Variants in TRIO observed in about 807,000 individuals in gnomAD.
TRIO encodes triple functional domain protein.
TRIO carries 58 observed loss-of-function variants against 351.9 expected under a neutral mutation model. The observed-to-expected ratio is 0.16, with a 90% CI of 0.13 to 0.21. TRIO has a LOEUF of 0.21. Among genes scored for constraint, TRIO ranks in the 10% least tolerant of loss-of-function variants. The pLI is 1.00. For missense variants in TRIO, 3,201 were observed against 4,027.8 expected (o/e 0.79, Z 5.56); for synonymous variants, 1,758 against 1,595.7 (o/e 1.10, Z -2.42).
At chr5:14,255,855 C>T (rs1794994801) in intron 1 of TRIO, among the ~76,000 whole-genome samples, 1 of 152,070 alleles carries the variant, frequency 6.6e-6, no homozygotes, top group Non-Finnish European at 1.5e-5. Context: ...GAATTTGGAG[C>T]ATTTCTGATT....
chr5:14,186,152 C>G (rs1429788713), intron 1 of TRIO, among the ~76,000 whole-genome samples: 2 of 152,196 alleles, frequency 1.3e-5, no homozygotes, highest in Non-Finnish European at 2.9e-5. Context: ...TTTAAACCAG[C>G]TTTTGGTCCT....
At chr5:14,300,985 G>A (rs867218925) in intron 7 of TRIO, among the ~76,000 whole-genome samples, 9 of 152,102 alleles carry the variant, frequency 5.9e-5, no homozygotes, top group Admixed American at 6.5e-5. Flanking sequence ...AGAGGTGGCG[G>A]GGGTGAGAGA....
chr5:14,156,226 C>G (rs758885382), intron 1 of TRIO, among the ~76,000 whole-genome samples: 2 of 152,112 alleles, frequency 1.3e-5, no homozygotes, highest in Non-Finnish European at 2.9e-5. Context: ...ATAAACTGTT[C>G]CAGGTGCACC....
At position 14,405,841 on chromosome 5, in the gene TRIO, T is replaced by C; in HGVS notation, c.4717-7T>C. ...CGTATCCTAAGCAACGCTAACACCT[T>C]GTTAAGGCTTCCAGCATAGAGAACA... On this transcript the variant is annotated splice_polypyrimidine_tract_variant and splice_region_variant and intron_variant, in intron 31 of 56. Transcript: ENST00000344204. 1 of 1,613,456 alleles carries C rather than the reference T, an allele frequency of 6.2e-7. No individual in the cohort carries two copies. The highest frequency in any genetic ancestry group is 8.5e-7 in the Non-Finnish European group (1 of 1,179,536).
intron 1 of TRIO, among the ~76,000 whole-genome samples, chr5:14,259,845 A>G (rs1795241587): frequency 6.6e-6 from 1 of 151,822 alleles, no homozygotes; most frequent in Non-Finnish European, 1.5e-5. Context: ...GGGTTCTTAG[A>G]CTGCTACAAG....
At chr5:14,148,721 G>A (rs1372457506) in intron 1 of TRIO, among the ~76,000 whole-genome samples, 6 of 152,186 alleles carry the variant, frequency 3.9e-5, no homozygotes, top group Middle Eastern at 3.2e-3. Context: ...TGGAAAGTGC[G>A]TGCTCTGACC....
rs200867660 is a variant in TRIO, at chr5:14,349,234, T to TG, written c.2047-8944_2047-8943insG. Among the ~76,000 whole-genome samples the TG allele has an allele frequency of 4.1e-3, 618 of 151,258 alleles. 3 individuals carry two copies. Among genetic ancestry groups the TG allele is most frequent in the African/African-American group, 0.014 (565 of 41,066 alleles). On this transcript the variant is annotated intron_variant, in intron 11 of 56. Transcript: ENST00000344204. ...TGATCATGTGTGTTTTTCCTGTGTG[T>TG]TTGTGTGTGCACACACGTGAGCATG... is the stretch of plus-strand genomic sequence containing the variant.
rs139833933 is a variant in TRIO at position 14,430,216 on chromosome 5, C to CAAAAA, written c.5203+10210_5203+10214dup. On this transcript the variant is annotated intron_variant, in intron 34 of 56. Coordinates refer to ENST00000344204, the MANE Select transcript of TRIO (RefSeq NM_007118.4). Reference sequence around the variant, plus strand: ...TTTTTTAATTTTTTTACCCAAATAGCAAAAAAAAAAAAAAAAAAATTGTCC... The same window carrying CAAAAA: ...TTTTTTAATTTTTTTACCCAAATAGCAAAAAAAAAAAAAAAAAAAAAAAATTGTCC... Among the ~76,000 whole-genome samples the CAAAAA allele has an allele frequency of 3.9e-3, 465 of 118,492 alleles. 3 individuals are homozygous for CAAAAA. Among genetic ancestry groups the CAAAAA allele is most frequent in the African/African-American group, 0.013 (433 of 32,422 alleles). 77.7% of individuals were successfully genotyped at this position (118,492 alleles called of 152,430 possible).
chr5:14,265,034 A>T (rs1795586657), intron 1 of TRIO, among the ~76,000 whole-genome samples: 1 of 151,610 alleles, frequency 6.6e-6, no homozygotes, highest in Admixed American at 6.6e-5. Flanking sequence ...CTGATTTATT[A>T]ACATTTTTGT....
intron 1 of TRIO, chr5:14,183,688 T>C: frequency 2.8e-6 from 1 of 359,488 alleles, no homozygotes; most frequent in Non-Finnish European, 5.1e-6. Flanking sequence ...GTTTCAGACT[T>C]GGATCAAAAA....
chr5:14,252,664 T>G (rs1157462344), intron 1 of TRIO, among the ~76,000 whole-genome samples: 1 of 152,228 alleles, frequency 6.6e-6, no homozygotes, highest in Non-Finnish European at 1.5e-5. Flanking sequence ...AGATCCGAAT[T>G]ACTCCCTTTA....
chr5:14,487,723 G>C lies in TRIO; in HGVS notation c.7095G>C (p.Lys2365Asn), dbSNP rs769110926. Residue 2365 changes from lysine (K) to asparagine (N), a missense_variant, in exon 48 of 57, where the codon AAG becomes AAC. Around this residue, in one of 19 missense-constraint regions of TRIO, gnomAD observed 1,089 missense variants for 954.9 expected, o/e 1.14. Transcript: ENST00000344204. ...SAASSQAEAD[K>N]MSGTSTPGPS... ...CCTCGAGCCAGGCAGAGGCAGACAA[G>C]ATGTCAGGTACGTCCACCCCCGGGC... 1 of 1,439,870 alleles carries C rather than the reference G, an allele frequency of 6.9e-7. No individual in the cohort carries two copies. The highest frequency in any genetic ancestry group is 2.3e-5 in the Admixed American group (1 of 42,914). 89.2% of individuals were successfully genotyped at this position (1,439,870 alleles called of 1,614,324 possible). A position where few individuals can be genotyped will look rare whatever the true frequency, so the allele number is the denominator to read the frequency against.
At chr5:14,494,118 A>G (rs992775499) in intron 49 of TRIO, among the ~76,000 whole-genome samples, 1 of 152,242 alleles carries the variant, frequency 6.6e-6, no homozygotes, top group Non-Finnish European at 1.5e-5. Context: ...ACCCAGTCGC[A>G]TTTATTTACC....
At chr5:14,276,473 T>TA (rs1234910316) in intron 2 of TRIO, among the ~76,000 whole-genome samples, 4 of 152,270 alleles carry the variant, frequency 2.6e-5, no homozygotes, top group Non-Finnish European at 5.9e-5. Context: ...GGCGTCCTTT[T>TA]AACAGAGTTG....
chr5:14,180,181 T>C (rs1789682833), intron 1 of TRIO, among the ~76,000 whole-genome samples: 1 of 151,866 alleles, frequency 6.6e-6, no homozygotes, highest in Non-Finnish European at 1.5e-5. Context: ...TCCCTAGTTT[T>C]CTGGCACAAC....
intron 8 of TRIO, among the ~76,000 whole-genome samples, chr5:14,311,634 C>T (rs1436246992): frequency 1.3e-5 from 2 of 152,192 alleles, no homozygotes; most frequent in Admixed American, 6.5e-5. Context: ...TGGTTACCTG[C>T]TGACCCCTTT....
In TRIO at chr5:14,503,476, T is replaced by A. The variant is rs152432; in HGVS notation, c.8411+819T>A. On this transcript the variant is annotated intron_variant, in intron 54 of 56. Transcript: ENST00000344204. ...ATGGGACCATTATTCTGTTGGCCTC[T>A]CCTGGCCTGGTCAGCTGGTGCACCA... Among the ~76,000 whole-genome samples, 872 of 152,354 alleles carry A rather than the reference T, an allele frequency of 5.7e-3. 2 individuals are homozygous for A. Among genetic ancestry groups the A allele is most frequent in the Middle Eastern group, 0.014 (4 of 294 alleles).
chr5:14,265,446 A>AT (rs1457960137), intron 1 of TRIO, among the ~76,000 whole-genome samples: 1 of 152,242 alleles, frequency 6.6e-6, no homozygotes, highest in Non-Finnish European at 1.5e-5. Context: ...TACTTAAAAA[A>AT]TTTTAAAATT....
intron 33 of TRIO, among the ~76,000 whole-genome samples, chr5:14,408,553 A>G (rs1166242036): frequency 6.6e-6 from 1 of 152,168 alleles, no homozygotes; most frequent in Non-Finnish European, 1.5e-5. Flanking sequence ...CCGAGACCCC[A>G]CCTATGGCCA....
Sources: gnomAD v4.1 joint callset for allele counts (sites outside exome capture counted in the v4.1 genomes callset) on GRCh38, gnomAD v4.1.1 for gene constraint, gnomAD v4.1.1 regional missense constraint, MANE v1.5 for transcripts, NCBI Gene and HGNC (gene_info 2026-07-23, HGNC 2026-07-21) for gene names.